Variants in CRHBP observed in about 807,000 individuals in gnomAD.
The protein encoded by CRHBP is corticotropin-releasing hormone-binding protein.
Under a neutral mutation model 34.9 loss-of-function variants are expected in CRHBP, and 19 were observed. That is an observed-to-expected ratio of 0.55 (90% CI 0.38 to 0.80). CRHBP has a LOEUF of 0.80. Ranked by LOEUF, CRHBP falls within the 30% of genes least tolerant of loss-of-function variation. The probability of loss-of-function intolerance (pLI) is 0.00; values close to 1 mark genes in which losing one functional copy is unlikely to be tolerated. For missense variants in CRHBP, 328 were observed against 409.2 expected, an observed-to-expected ratio of 0.80 and a Z score of 1.71; for synonymous variants, 154 against 153.4, an observed-to-expected ratio of 1.00 and a Z score of -0.03.
At chr5:76,972,375 CTG>C (rs1330381399), downstream of CRHBP, among the ~76,000 whole-genome samples, 1 of 152,078 alleles carries the variant, frequency 6.6e-6, no homozygotes, top group African/African-American at 2.4e-5. Flanking sequence ...AGGCAGGCGC[CTG>C]TAATCCCAGC....
rs1745902251 is a variant in CRHBP, at chr5:76,968,865, TTC to T, written c.951_952del (p.Phe317LeufsTer18). On this transcript the variant is annotated frameshift_variant, in exon 7 of 7. Coordinates refer to ENST00000274368, the MANE Select transcript of CRHBP (RefSeq NM_001882.4). LOFTEE classifies it high-confidence loss of function. ...CCCAAATGGAAACAGTATCGGGGAA[TTC>T]TGTTTGTCTGGTCTTTGAATAACCA... ...ENPNGNSIGE[F>X]CLSGL 1 of 1,613,354 alleles carries T rather than the reference TTC, an allele frequency of 6.2e-7. No homozygotes were observed. Among genetic ancestry groups the T allele is most frequent in the Admixed American group, 1.7e-5 (1 of 59,842 alleles).
intron 3 of CRHBP, among the ~76,000 whole-genome samples, 192 bp from the exon 4 acceptor site, chr5:76,955,461 T>C (rs542089905): frequency 6.6e-6 from 1 of 152,310 alleles, no homozygotes; most frequent in South Asian, 2.1e-4. Context: ...AATTAATTAA[T>C]ACTATTACTT....
chr5:76,957,274 A>G (rs991466089), intron 4 of CRHBP, among the ~76,000 whole-genome samples: 2 of 152,244 alleles, frequency 1.3e-5, no homozygotes, highest in Non-Finnish European at 2.9e-5. Context: ...AAATATGAAA[A>G]GGAGGCAAGA....
At chr5:76,972,444 G>A (rs1745960791), downstream of CRHBP, among the ~76,000 whole-genome samples, 1 of 151,960 alleles carries the variant, frequency 6.6e-6, no homozygotes, top group African/African-American at 2.4e-5. Context: ...AGATTGCAGT[G>A]AGCCGAGATC....
At chr5:76,978,778 T>C (rs1746076467) in intron 3 of CRHBP, among the ~76,000 whole-genome samples, 1 of 152,222 alleles carries the variant, frequency 6.6e-6, no homozygotes, top group South Asian at 2.1e-4. Flanking sequence ...GCTATGAATA[T>C]TGTTGAAATA....
At chr5:76,973,865 G>A (rs867054396), downstream of CRHBP, among the ~76,000 whole-genome samples, 12 of 151,748 alleles carry the variant, frequency 7.9e-5, no homozygotes, top group African/African-American at 2.2e-4. Context: ...AGTGTAGGGC[G>A]CGATCTCAGC....
At chr5:76,969,683 C>A (rs1397387978), downstream of CRHBP, among the ~76,000 whole-genome samples, 1 of 152,174 alleles carries the variant, frequency 6.6e-6, no homozygotes, top group Non-Finnish European at 1.5e-5. Context: ...GGCAGGGAAG[C>A]GGGTGCAGAG....
intron 3 of CRHBP, among the ~76,000 whole-genome samples, chr5:76,979,673 T>G (rs892049347): frequency 6.6e-6 from 1 of 152,178 alleles, no homozygotes; most frequent in East Asian, 1.9e-4. Flanking sequence ...AATTAAGGTA[T>G]GTACATTGTT....
At chr5:76,958,926 G>A (rs1249730131) in intron 5 of CRHBP, 37 bp downstream of exon 5, 2 of 1,607,346 alleles carry the variant, frequency 1.2e-6, no homozygotes, top group East Asian at 4.5e-5. Flanking sequence ...GTTTGATAAG[G>A]CCACAACTTT....
rs1364457654 is a variant in CRHBP, at chr5:76,969,160, T to C, written c.*275T>C. On this transcript the variant is annotated 3_prime_UTR_variant, in exon 7 of 7. Transcript: ENST00000274368. ...AATGGAAATGTTTGTAATTCTTTGA[T>C]GTGCTACAAACCTGAAACTGGTAAG... The C allele has an allele frequency of 6.7e-6, 2 of 300,256 alleles. No homozygotes were observed. Among genetic ancestry groups the C allele is most frequent in the Admixed American group, 5.0e-5 (1 of 19,938 alleles). 18.6% of individuals were successfully genotyped at this position (300,256 alleles called of 1,614,324 possible).
Position 76,954,121 on chromosome 5 carries a change from G to A in CRHBP, c.268G>A (p.Glu90Lys). The A allele has an allele frequency of 1.2e-6, 2 of 1,614,056 alleles. No individual in the cohort carries two copies. Among genetic ancestry groups the A allele is most frequent in the South Asian group, 1.1e-5 (1 of 91,080 alleles). ...CGCAGCCTTCTTCATCAGCGAGCCC[G>A]AGGAGTTCATTACCATCCACTACGA... is the stretch of plus-strand genomic sequence containing the variant. ...HCAAFFISEP[E>K]EFITIHYDQV... is the part of the protein sequence containing the mutation. The change falls in exon 3 of 7, where the codon GAG becomes AAG. Residue 90 changes from glutamate (E) to lysine (K), a missense_variant. Glu to Lys is a moderately conservative substitution (Grantham distance 56). Around this residue, in one of 3 missense-constraint regions of CRHBP, gnomAD observed 173 missense variants for 172.2 expected, o/e 1.00. Coordinates refer to ENST00000274368, the MANE Select transcript of CRHBP (RefSeq NM_001882.4).
intron 3 of CRHBP, among the ~76,000 whole-genome samples, chr5:76,980,345 A>C (rs181910555): frequency 7.9e-5 from 12 of 151,854 alleles, no homozygotes. Context: ...TTATTGCTGC[A>C]CTACTCTGCT....
intron 4 of CRHBP, among the ~76,000 whole-genome samples, chr5:76,956,873 G>A (rs1695219298): frequency 6.6e-6 from 1 of 152,180 alleles, no homozygotes; most frequent in African/African-American, 2.4e-5. Context: ...GCTGAAAGAT[G>A]GGGCCTTTAT....
intron 4 of CRHBP, among the ~76,000 whole-genome samples, chr5:76,957,394 T>A (rs1372083941): frequency 6.6e-6 from 1 of 150,854 alleles, no homozygotes; most frequent in Non-Finnish European, 1.5e-5. Context: ...GTATTGTAAA[T>A]TTATTTATTT....
At chr5:76,953,770 C>T (rs1300649082) in intron 2 of CRHBP, 76 bp downstream of exon 2, 2 of 1,432,780 alleles carry the variant, frequency 1.4e-6, no homozygotes, top group Non-Finnish European at 1.9e-6. Flanking sequence ...GCAGAGGGCT[C>T]GCGGACATCT....
In CRHBP at chr5:76,968,918, T is replaced by A. The variant is rs752577956; in HGVS notation, c.*33T>A. ...ACCCAGTGATTTACATGCTGATAGCTAAGTGAGTTTTTAATGGCCATTGTG... is the reference window on the plus strand; with the variant it reads ...ACCCAGTGATTTACATGCTGATAGCAAAGTGAGTTTTTAATGGCCATTGTG... On this transcript the variant is annotated 3_prime_UTR_variant, in exon 7 of 7. Transcript: ENST00000274368. The A allele has an allele frequency of 1.3e-6, 2 of 1,599,390 alleles. No individual in the cohort carries two copies. Among genetic ancestry groups the A allele is most frequent in the Admixed American group, 3.4e-5 (2 of 58,406 alleles).
At chr5:76,977,422 G>T (rs1388823729) in intron 3 of CRHBP, among the ~76,000 whole-genome samples, 1 of 152,124 alleles carries the variant, frequency 6.6e-6, no homozygotes, top group Non-Finnish European at 1.5e-5. Context: ...TCATGTGTCT[G>T]TGTCACATTT....
intron 5 of CRHBP, among the ~76,000 whole-genome samples, chr5:76,962,960 G>A (rs1745801919): frequency 6.6e-6 from 1 of 152,174 alleles, no homozygotes; most frequent in Admixed American, 6.5e-5. Context: ...GTGACTGCAT[G>A]CATTAAGAAA....
intron 2 of CRHBP, among the ~76,000 whole-genome samples, chr5:76,976,054 T>C (rs548305494): frequency 6.6e-6 from 1 of 151,118 alleles, no homozygotes; most frequent in East Asian, 1.9e-4. Context: ...CCTTCACCCA[T>C]CACATCCAGG....
Sources: gnomAD v4.1 joint callset for allele counts (sites outside exome capture counted in the v4.1 genomes callset) on GRCh38, gnomAD v4.1.1 for gene constraint, gnomAD v4.1.1 regional missense constraint, MANE v1.5 for transcripts, NCBI Gene and HGNC (gene_info 2026-07-23, HGNC 2026-07-21) for gene names.